Variants in B3GNT2 observed in about 807,000 individuals in gnomAD.
B3GNT2 encodes the protein N-acetyllactosaminide beta-1,3-N-acetylglucosaminyltransferase 2.
B3GNT2 carries 12 observed loss-of-function variants against 27.6 expected under a neutral mutation model. The observed-to-expected ratio is 0.44, with a 90% CI of 0.28 to 0.71. The LOEUF is 0.71. B3GNT2 is among the 30% of genes least tolerant of loss of function. The probability of loss-of-function intolerance (pLI) is 0.17; values close to 1 mark genes in which losing one functional copy is unlikely to be tolerated. For missense variants in B3GNT2, 413 were observed against 488.5 expected (o/e 0.85, Z 1.46); for synonymous variants, 192 against 189.7 (o/e 1.01, Z -0.10).
chr2:62,211,126 CA>C (rs1674474867), intron 1 of B3GNT2, among the ~76,000 whole-genome samples: 1 of 152,100 alleles, frequency 6.6e-6, no homozygotes, highest in Non-Finnish European at 1.5e-5. Flanking sequence ...GAGGCTGAGG[CA>C]GGTGGATCAT....
chr2:62,198,082 G>A (rs1359852830), intron 1 of B3GNT2, among the ~76,000 whole-genome samples: 1 of 152,206 alleles, frequency 6.6e-6, no homozygotes, highest in Non-Finnish European at 1.5e-5. Flanking sequence ...TCTTCTGTTT[G>A]AAACTACTTT....
chr2:62,222,953 G>A lies in B3GNT2; in HGVS notation c.733G>A (p.Asp245Asn). ...CPDTEFVFKG[D>N]DDVFVNTHHI... The stretch of plus-strand genomic sequence containing the variant: ...AGACACTGAGTTTGTTTTCAAGGGC[G>A]ATGACGATGTTTTTGTGAACACCCA... The change falls in exon 2 of 2, where the codon GAT (aspartate) becomes AAT (asparagine). Residue 245 changes from aspartate (D) to asparagine (N), a missense_variant. Physicochemically the swap from Asp to Asn is conservative, Grantham distance 23 (BLOSUM62 1). Coordinates refer to ENST00000301998, the MANE Select transcript of B3GNT2 (RefSeq NM_006577.6). The surrounding 1 kb of genome is among the most constrained non-coding windows in gnomAD (Gnocchi z 4.2). The A allele has an allele frequency of 6.2e-7, 1 of 1,614,168 alleles. No homozygotes were observed. The highest frequency in any genetic ancestry group is 1.1e-5 in the South Asian group (1 of 91,082).
chr2:62,219,996 A>C (rs1290726845), intron 1 of B3GNT2, among the ~76,000 whole-genome samples: 1 of 152,258 alleles, frequency 6.6e-6, no homozygotes, highest in Non-Finnish European at 1.5e-5. Context: ...TGTTAACTAC[A>C]GGAGCACTTG....
At chr2:62,208,434 G>T (rs1016520671) in intron 1 of B3GNT2, among the ~76,000 whole-genome samples, 2 of 152,114 alleles carry the variant, frequency 1.3e-5, no homozygotes, top group Non-Finnish European at 2.9e-5. Flanking sequence ...TGAGGCCTGT[G>T]TTTGTTTATA....
intron 1 of B3GNT2, among the ~76,000 whole-genome samples, chr2:62,200,175 T>A (rs1306820659): frequency 6.6e-6 from 1 of 152,236 alleles, no homozygotes; most frequent in Admixed American, 6.5e-5. Context: ...GTAACAAAAA[T>A]TCAGATGTCT....
chr2:62,205,615 A>C (rs1422749851), intron 1 of B3GNT2, among the ~76,000 whole-genome samples: 1 of 152,172 alleles, frequency 6.6e-6, no homozygotes, highest in Non-Finnish European at 1.5e-5. Context: ...CCTTGCTCTG[A>C]AGTTGCCACC....
chr2:62,204,661 A>G (rs529840223), intron 1 of B3GNT2, among the ~76,000 whole-genome samples: 1 of 152,320 alleles, frequency 6.6e-6, no homozygotes, highest in South Asian at 2.1e-4. Flanking sequence ...TGCAGCCATT[A>G]TATTTTTGTT....
At chr2:62,220,529 C>T (rs1288871560) in intron 1 of B3GNT2, among the ~76,000 whole-genome samples, 1 of 152,102 alleles carries the variant, frequency 6.6e-6, no homozygotes, top group African/African-American at 2.4e-5. Flanking sequence ...CTTAAAAATC[C>T]TCTCCTTTCA....
chr2:62,209,810 G>A (rs989058929), intron 1 of B3GNT2, among the ~76,000 whole-genome samples: 3 of 152,200 alleles, frequency 2.0e-5, no homozygotes, highest in African/African-American at 7.2e-5. Context: ...TGATGTTGGA[G>A]GGAAGGAAAA....
Position 62,198,243 on chromosome 2 carries a change from C to T in B3GNT2, c.-10+1888C>T, listed in dbSNP as rs368346420. On this transcript the variant is annotated intron_variant, in intron 1 of 1. Transcript: ENST00000301998. ...TGCCATTCATTAGACTTGATTCTGC[C>T]ACATTTAATTCAGTGATCTTGGGCA... 5.9e-5 allele frequency among the ~76,000 whole-genome samples: 9 copies of T among 152,298 alleles called. No homozygotes were observed. The South Asian group carries it at 1.5e-3, about 25-fold the overall frequency.
intron 1 of B3GNT2, among the ~76,000 whole-genome samples, chr2:62,208,015 T>A (rs1674409942): frequency 6.6e-6 from 1 of 152,226 alleles, no homozygotes; most frequent in Non-Finnish European, 1.5e-5. Flanking sequence ...GGTGTACTTT[T>A]GAAAGTCGAT....
At chr2:62,221,520 A>G (rs79542909) in intron 1 of B3GNT2, among the ~76,000 whole-genome samples, 1,572 of 152,268 alleles carry the variant, frequency 0.01, 30 homozygotes, top group African/African-American at 0.037. Flanking sequence ...CATTAAAAAA[A>G]AGAGAGAGAG....
chr2:62,210,317 C>A (rs922113773), intron 1 of B3GNT2, among the ~76,000 whole-genome samples: 2 of 152,134 alleles, frequency 1.3e-5, no homozygotes, highest in African/African-American at 2.4e-5. Flanking sequence ...CTAATTGCCT[C>A]ACATTTTTTA....
chr2:62,209,002 T>C (rs141085834), intron 1 of B3GNT2, among the ~76,000 whole-genome samples: 1 of 151,904 alleles, frequency 6.6e-6, no homozygotes, highest in African/African-American at 2.4e-5. Context: ...CTTTTTTGGT[T>C]GTTGTTGTTG....
chr2:62,221,261 G>T (rs1173949609), intron 1 of B3GNT2, among the ~76,000 whole-genome samples: 1 of 152,164 alleles, frequency 6.6e-6, no homozygotes, highest in East Asian at 1.9e-4. Flanking sequence ...TATTGCCGAG[G>T]GGATATACCA....
In B3GNT2 at chr2:62,222,718, C is replaced by A; in HGVS notation, c.498C>A (p.Gly166=). 1.2e-6 allele frequency: 2 copies of A among 1,614,228 alleles called. No individual in the cohort carries two copies. Among genetic ancestry groups the A allele is most frequent in the South Asian group, 2.2e-5 (2 of 91,084 alleles). The change falls in exon 2 of 2, where the codon GGC becomes GGA. Residue 166 remains glycine, a synonymous_variant. Transcript: ENST00000301998. The surrounding 1 kb of genome is among the most constrained non-coding windows in gnomAD (Gnocchi z 4.2). The part of the protein sequence containing the change: ...ARRQAIRESW[G]QESNAGNQTV... ...GGCAAGCAATCCGGGAATCCTGGGG[C>A]CAAGAAAGCAACGCAGGGAACCAAA...
chr2:62,222,161 C>A lies in B3GNT2; in HGVS notation c.-9-51C>A. The A allele has an allele frequency of 6.9e-7, 1 of 1,459,384 alleles. No homozygotes were observed. 90.4% of individuals were successfully genotyped at this position (1,459,384 alleles called of 1,614,324 possible). A position where few individuals can be genotyped will look rare whatever the true frequency, so the allele number is the denominator to read the frequency against. ...AGACAGGTAAAATAAATTGTATGTG[C>A]AAATGCAAATTGATAAGTAATTGAT... On this transcript the variant is annotated intron_variant, in intron 1 of 1. Transcript: ENST00000301998. This position sits in a 1 kb window ranked among gnomAD's most constrained non-coding sequence, Gnocchi z 4.2.
intron 1 of B3GNT2, among the ~76,000 whole-genome samples, chr2:62,199,231 G>T (rs1048623005): frequency 6.6e-6 from 1 of 152,184 alleles, no homozygotes; most frequent in Non-Finnish European, 1.5e-5. Flanking sequence ...AAGCCACCGC[G>T]CCTGGCCTTA....
At position 62,223,586 on chromosome 2, in the gene B3GNT2, G is replaced by A. The variant is rs975649876; in HGVS notation, c.*172G>A. Reference sequence around the variant, plus strand: ...TGGTACTCACGTGAAGAGGGAAAGCGGAAGATGGTAATTTTTTTTTATGGA... The same window carrying A: ...TGGTACTCACGTGAAGAGGGAAAGCAGAAGATGGTAATTTTTTTTTATGGA... On this transcript the variant is annotated 3_prime_UTR_variant, in exon 2 of 2. Transcript: ENST00000301998. The A allele has an allele frequency of 1.7e-5, 10 of 587,152 alleles. No homozygotes were observed. The highest frequency in any genetic ancestry group is 3.0e-5 in the East Asian group (1 of 33,722). 36.4% of individuals were successfully genotyped at this position (587,152 alleles called of 1,614,324 possible).
Sources: gnomAD v4.1 joint callset for allele counts (sites outside exome capture counted in the v4.1 genomes callset) on GRCh38, gnomAD v4.1.1 for gene constraint, Gnocchi (gnomAD v3.1) non-coding constraint, MANE v1.5 for transcripts, NCBI Gene and HGNC (gene_info 2026-07-23, HGNC 2026-07-21) for gene names.